The following PKNOX2 variants were observed in gnomAD, a reference collection of about 807,000 sequenced individuals.
The protein encoded by PKNOX2 is homeobox protein PKNOX2.
In PKNOX2, 14 loss-of-function variants were observed where a neutral mutation model predicts 53.1. The observed-to-expected ratio is 0.26, with a 90% CI of 0.17 to 0.41. The LOEUF (loss-of-function observed/expected upper bound fraction) is 0.41. Ranked by LOEUF, PKNOX2 falls within the 10% of genes least tolerant of loss-of-function variation. The probability of loss-of-function intolerance (pLI) is 1.00; values close to 1 mark genes in which losing one functional copy is unlikely to be tolerated. For synonymous variants in PKNOX2, 257 were observed against 242.8 expected, an observed-to-expected ratio of 1.06 and a Z score of -0.54; for missense variants, 496 against 602.8, an observed-to-expected ratio of 0.82 and a Z score of 1.85.
At chr11:125,400,961 C>T (rs1954710563) in intron 7 of PKNOX2, among the ~76,000 whole-genome samples, 1 of 152,078 alleles carries the variant, frequency 6.6e-6, no homozygotes, top group Non-Finnish European at 1.5e-5. Flanking sequence ...CTCATCCCTT[C>T]AGAGTCCTAG....
At chr11:125,185,348 C>G (rs565615848) in intron 1 of PKNOX2, among the ~76,000 whole-genome samples, 10 of 152,016 alleles carry the variant, frequency 6.6e-5, no homozygotes, top group Admixed American at 2.0e-4. Flanking sequence ...TTCTATTGTC[C>G]TTTTCTTGGT....
At position 125,239,115 on chromosome 11, in the gene PKNOX2, G is replaced by C. The variant is rs999308800; in HGVS notation, c.-130+4000G>C. On this transcript the variant is annotated intron_variant, in intron 2 of 12. Coordinates refer to ENST00000298282, the MANE Select transcript of PKNOX2 (RefSeq NM_001382323.2). ...ATAAAAAGTGGAGTTGGAAAGAAAG[G>C]CTATTCCTTTCCATTGCTTCTGACA... 3.3e-5 allele frequency among the ~76,000 whole-genome samples: 5 copies of C among 152,280 alleles called. No individual in the cohort carries two copies. The Middle Eastern group carries it at 0.014, about 414-fold the overall frequency.
intron 2 of PKNOX2, among the ~76,000 whole-genome samples, chr11:125,325,830 A>G (rs1385921670): frequency 6.6e-6 from 1 of 152,186 alleles, no homozygotes; most frequent in Non-Finnish European, 1.5e-5. Context: ...CACCCATCGT[A>G]TTCTCTCTCC....
chr11:125,208,657 T>A (rs969304472), intron 1 of PKNOX2, among the ~76,000 whole-genome samples: 1 of 151,924 alleles, frequency 6.6e-6, no homozygotes, highest in African/African-American at 2.4e-5. Context: ...TGGGAATGTG[T>A]GGGGTCTGGG....
At chr11:125,205,016 T>C (rs985121369) in intron 1 of PKNOX2, among the ~76,000 whole-genome samples, 14 of 152,228 alleles carry the variant, frequency 9.2e-5, no homozygotes, top group African/African-American at 3.4e-4. Flanking sequence ...CCTTGGAAGG[T>C]AGGGACTCTT....
intron 1 of PKNOX2, among the ~76,000 whole-genome samples, chr11:125,195,999 C>T (rs1937641482): frequency 6.6e-6 from 1 of 152,094 alleles, no homozygotes; most frequent in African/African-American, 2.4e-5. Flanking sequence ...CGGTCCCCTC[C>T]CCCACCACTT....
intron 3 of PKNOX2, among the ~76,000 whole-genome samples, chr11:125,351,020 A>T (rs1358116835): frequency 6.6e-6 from 1 of 151,836 alleles, no homozygotes; most frequent in African/African-American, 2.4e-5. Flanking sequence ...GCCGGAGCTG[A>T]TGCTGAACAA....
chr11:125,355,829 G>A (rs971906957), intron 4 of PKNOX2, among the ~76,000 whole-genome samples: 1 of 151,996 alleles, frequency 6.6e-6, no homozygotes, highest in African/African-American at 2.4e-5. Flanking sequence ...CTCCTTCTAG[G>A]CAAATACCTC....
chr11:125,321,405 C>G (rs1217794015), intron 2 of PKNOX2, among the ~76,000 whole-genome samples: 1 of 152,170 alleles, frequency 6.6e-6, no homozygotes, highest in African/African-American at 2.4e-5. Context: ...TACGCACATA[C>G]TCCTGTATAC....
chr11:125,289,744 T>C (rs1425156106), intron 2 of PKNOX2, among the ~76,000 whole-genome samples: 1 of 151,858 alleles, frequency 6.6e-6, no homozygotes, highest in Admixed American at 6.6e-5. Flanking sequence ...GAAAAGGAGA[T>C]AAAGGTGGGA....
intron 10 of PKNOX2, among the ~76,000 whole-genome samples, chr11:125,417,206 AC>A (rs1424134265): frequency 1.3e-5 from 2 of 151,638 alleles, no homozygotes; most frequent in Non-Finnish European, 2.9e-5. Context: ...CTTCTACTCC[AC>A]CCCTTCTGCT....
chr11:125,368,438 T>A (rs562639690), intron 5 of PKNOX2, among the ~76,000 whole-genome samples: 7 of 152,102 alleles, frequency 4.6e-5, no homozygotes, highest in Non-Finnish European at 1.0e-4. Flanking sequence ...TTAAAACACA[T>A]GGTTTTGGGC....
At chr11:125,202,969 T>A (rs907174541) in intron 1 of PKNOX2, among the ~76,000 whole-genome samples, 11 of 152,212 alleles carry the variant, frequency 7.2e-5, no homozygotes, top group African/African-American at 2.7e-4. Flanking sequence ...GCCCTCAGAA[T>A]AGAATTTCAC....
At chr11:125,358,551 A>C (rs1056683441) in intron 4 of PKNOX2, among the ~76,000 whole-genome samples, 7 of 152,218 alleles carry the variant, frequency 4.6e-5, no homozygotes, top group African/African-American at 1.7e-4. Flanking sequence ...AAAATTAATT[A>C]ACTAACTGAA....
chr11:125,219,388 A>G (rs1940892446), intron 1 of PKNOX2, among the ~76,000 whole-genome samples: 1 of 152,100 alleles, frequency 6.6e-6, no homozygotes, highest in African/African-American at 2.4e-5. Context: ...CAGTGAGCCA[A>G]GATCACGCCA....
At chr11:125,256,717 T>G (rs1944425472) in intron 2 of PKNOX2, among the ~76,000 whole-genome samples, 1 of 152,214 alleles carries the variant, frequency 6.6e-6, no homozygotes, top group Admixed American at 6.5e-5. Context: ...AGATACTTTT[T>G]TTCCAGATAG....
chr11:125,219,915 C>T (rs1387878323), intron 1 of PKNOX2, among the ~76,000 whole-genome samples: 2 of 152,168 alleles, frequency 1.3e-5, no homozygotes, highest in African/African-American at 2.4e-5. Flanking sequence ...TAAAGACATT[C>T]TTGTACCTAT....
chr11:125,416,126 A>G (rs995516817), intron 10 of PKNOX2, among the ~76,000 whole-genome samples: 1 of 151,484 alleles, frequency 6.6e-6, no homozygotes, highest in Non-Finnish European at 1.5e-5. Context: ...AAACGGTGAA[A>G]CCCCGTCTCT....
At chr11:125,201,977 C>T (rs1313390222) in intron 1 of PKNOX2, among the ~76,000 whole-genome samples, 1 of 152,206 alleles carries the variant, frequency 6.6e-6, no homozygotes, top group Non-Finnish European at 1.5e-5. Flanking sequence ...CTGTGACATA[C>T]AGCCCCCTTC....
Sources: allele counts gnomAD v4.1 joint callset (sites outside exome capture counted in the v4.1 genomes callset), GRCh38; gene constraint gnomAD v4.1.1; transcripts MANE v1.5; gene names NCBI Gene and HGNC (gene_info 2026-07-23, HGNC 2026-07-21).